Variants in TEC observed in about 807,000 individuals in gnomAD.
TEC encodes tec protein tyrosine kinase, also known as tyrosine-protein kinase Tec.
A neutral mutation model predicts 93.0 loss-of-function variants in TEC; 72 were observed. The observed-to-expected ratio is 0.77, with a 90% confidence interval of 0.64 to 0.94. The LOEUF is 0.94. Among genes scored for constraint, TEC ranks in the 40% least tolerant of loss-of-function variants. The probability of loss-of-function intolerance (pLI) is 0.00; values close to 1 mark genes in which losing one functional copy is unlikely to be tolerated. For missense variants in TEC, 630 were observed against 757.9 expected (o/e 0.83, Z 1.98); for synonymous variants, 249 against 247.7 (o/e 1.01, Z -0.05).
At chr4:48,268,995 T>A (rs768493767) in intron 1 of TEC, among the ~76,000 whole-genome samples, 62 of 151,500 alleles carry the variant, frequency 4.1e-4, no homozygotes, top group Non-Finnish European at 6.9e-4. Context: ...TAAAGAAAAT[T>A]AGGAAAGTGT....
chr4:48,260,123 G>A (rs1230258397), intron 1 of TEC, among the ~76,000 whole-genome samples: 1 of 152,172 alleles, frequency 6.6e-6, no homozygotes. Context: ...GGTTCTTCTA[G>A]TTTTATCTGA....
chr4:48,168,097 G>T, intron 6 of TEC, 144 bp from the exon 7 acceptor site: 1 of 716,772 alleles, frequency 1.4e-6, no homozygotes, highest in Non-Finnish European at 2.3e-6. Flanking sequence ...CTCTCATGAA[G>T]AAGAGTATTA....
intron 2 of TEC, among the ~76,000 whole-genome samples, chr4:48,212,110 A>AAAAAAAAAAAAAAAAAATATATAT: frequency 8.2e-6 from 1 of 122,266 alleles, no homozygotes; most frequent in African/African-American, 3.0e-5. Context: ...AAAAAAAAAA[A>AAAAAAAAAAAAAAAAAATATATAT]ATATATATAT....
intron 1 of TEC, among the ~76,000 whole-genome samples, chr4:48,240,030 A>C (rs1723884498): frequency 6.6e-6 from 1 of 151,482 alleles, no homozygotes; most frequent in Admixed American, 6.6e-5. Flanking sequence ...TATATTTTTC[A>C]GAGTTCTTAT....
Position 48,137,047 on chromosome 4 carries a change from T to C in TEC, c.*369A>G, listed in dbSNP as rs959159533. On this transcript the variant is annotated 3_prime_UTR_variant, in exon 18 of 18. Coordinates refer to ENST00000381501, the MANE Select transcript of TEC (RefSeq NM_003215.3). ...AAGGGTTGCTTGGTCATGACTCTAA[T>C]ACCCTTCCCCTTCCCAAATACCCTG... 9 of 193,492 alleles carry C rather than the reference T, an allele frequency of 4.7e-5. No individual in the cohort carries two copies. The highest frequency in any genetic ancestry group is 2.1e-4 in the African/African-American group (9 of 42,466). The allele number at this position is 193,492 out of a possible 1,614,324, so 12.0% of individuals were successfully genotyped here.
intron 2 of TEC, among the ~76,000 whole-genome samples, chr4:48,211,852 C>G (rs1448342228): frequency 6.6e-6 from 1 of 151,992 alleles, no homozygotes; most frequent in Non-Finnish European, 1.5e-5. Context: ...AATCCCAGCA[C>G]TTTGGGAGGC....
At chr4:48,225,151 T>C (rs1210844194) in intron 2 of TEC, among the ~76,000 whole-genome samples, 3 of 152,136 alleles carry the variant, frequency 2.0e-5, no homozygotes, top group Admixed American at 6.5e-5. Flanking sequence ...AGATTACTCA[T>C]GTCACATCCT....
At chr4:48,201,325 G>T (rs1333662471) in intron 2 of TEC, among the ~76,000 whole-genome samples, 1 of 152,164 alleles carries the variant, frequency 6.6e-6, no homozygotes, top group African/African-American at 2.4e-5. Flanking sequence ...TGAGAACTCA[G>T]ACCTCAGAAT....
chr4:48,204,087 T>C (rs1410405598), intron 2 of TEC, among the ~76,000 whole-genome samples: 1 of 152,224 alleles, frequency 6.6e-6, no homozygotes, highest in Non-Finnish European at 1.5e-5. Context: ...GGCCTGACAC[T>C]GCTATTCTTA....
chr4:48,264,632 A>C (rs1577678759), intron 1 of TEC, among the ~76,000 whole-genome samples: 3 of 130,482 alleles, frequency 2.3e-5, no homozygotes, highest in African/African-American at 2.6e-5. Context: ...GCTCATCCAC[A>C]TCTTCAGCAT....
chr4:48,189,212 T>G (rs913860463), intron 2 of TEC, among the ~76,000 whole-genome samples: 1 of 152,194 alleles, frequency 6.6e-6, no homozygotes, highest in African/African-American at 2.4e-5. Flanking sequence ...TGGCTGAAAT[T>G]ATCTCTTTAT....
intron 2 of TEC, among the ~76,000 whole-genome samples, chr4:48,179,369 TA>T (rs1225789978): frequency 0.022 from 863 of 38,892 alleles, 14 homozygotes; most frequent in Non-Finnish European, 0.031. Context: ...TATATATATA[TA>T]TATATATTTT....
intron 15 of TEC, among the ~76,000 whole-genome samples, chr4:48,139,817 G>A (rs1443794899): frequency 6.6e-6 from 1 of 152,228 alleles, no homozygotes; most frequent in Non-Finnish European, 1.5e-5. Context: ...AAGGTTCCAT[G>A]AGAAAATTTT....
At chr4:48,260,960 G>A (rs1272507154) in intron 1 of TEC, among the ~76,000 whole-genome samples, 1 of 152,092 alleles carries the variant, frequency 6.6e-6, no homozygotes, top group Non-Finnish European at 1.5e-5. Flanking sequence ...CTTCTAACAA[G>A]GAATATATAA....
chr4:48,185,961 G>C (rs1721820068), intron 2 of TEC, among the ~76,000 whole-genome samples: 1 of 152,130 alleles, frequency 6.6e-6, no homozygotes, highest in South Asian at 2.1e-4. Flanking sequence ...CTCCCTGCCA[G>C]ATTCTCCTGC....
chr4:48,178,716 C>A (rs1280675878), intron 2 of TEC, among the ~76,000 whole-genome samples: 1 of 152,168 alleles, frequency 6.6e-6, no homozygotes, highest in Non-Finnish European at 1.5e-5. Flanking sequence ...GAAGGACATC[C>A]TCTCTGGTCA....
In TEC at chr4:48,269,122, G is replaced by T. The variant is rs1338775472; in HGVS notation, c.-46+630C>A. Among the ~76,000 whole-genome samples the T allele has an allele frequency of 3.9e-5, 6 of 152,168 alleles. No homozygotes were observed. The South Asian group carries it at 1.2e-3, about 32-fold the overall frequency. ...AGGTGGGCGGGGTATTGGGGGGGTG[G>T]GGAAGAGAACGTGAACTTCACTGGG... is the stretch of plus-strand genomic sequence containing the variant. On this transcript the variant is annotated intron_variant, in intron 1 of 17. Transcript: ENST00000381501.
At chr4:48,170,793 A>G (rs1244913071) in intron 4 of TEC, among the ~76,000 whole-genome samples, 1 of 152,154 alleles carries the variant, frequency 6.6e-6, no homozygotes, top group Non-Finnish European at 1.5e-5. Flanking sequence ...GCTCATGTCT[A>G]TAATCCCAAC....
chr4:48,254,880 TGACCTAAAAGG>T (rs1272729692), intron 1 of TEC, among the ~76,000 whole-genome samples: 2 of 151,798 alleles, frequency 1.3e-5, no homozygotes, highest in Non-Finnish European at 2.9e-5. Flanking sequence ...CAGGGCTTAC[TGACCTAAAAGG>T]GACACAGCAA....
Sources: gnomAD v4.1 joint callset for allele counts (sites outside exome capture counted in the v4.1 genomes callset) on GRCh38, gnomAD v4.1.1 for gene constraint, MANE v1.5 for transcripts, NCBI Gene and HGNC (gene_info 2026-07-23, HGNC 2026-07-21) for gene names.